Variants in IHO1 observed in about 807,000 individuals in gnomAD.
IHO1 encodes the protein interactor of HORMAD1 protein 1.
Under a neutral mutation model 31.0 loss-of-function variants are expected in IHO1, and 13 were observed. That is an observed-to-expected ratio of 0.42 (90% CI 0.27 to 0.67). The LOEUF (loss-of-function observed/expected upper bound fraction) is 0.67, where lower values mean the gene tolerates loss of function less well. IHO1 is among the 30% of genes least tolerant of loss of function. The probability of loss-of-function intolerance (pLI) is 0.24; values close to 1 mark genes in which losing one functional copy is unlikely to be tolerated. For synonymous variants in IHO1, 221 were observed against 248.4 expected (o/e 0.89, Z 1.04); for missense variants, 599 against 687.5 (o/e 0.87, Z 1.44).
chr3:49,250,079 G>T (rs1258215426), intron 6 of IHO1, among the ~76,000 whole-genome samples: 2 of 152,112 alleles, frequency 1.3e-5, no homozygotes, highest in Non-Finnish European at 2.9e-5. Flanking sequence ...AATGTTTATA[G>T]TCAAAGCAAA....
At chr3:49,222,664 G>T (rs1446991639) in intron 2 of IHO1, among the ~76,000 whole-genome samples, 1 of 152,154 alleles carries the variant, frequency 6.6e-6, no homozygotes, top group African/African-American at 2.4e-5. Flanking sequence ...AGATTATGTA[G>T]GTTTTCACTT....
chr3:49,205,596 ATT>A (rs376808702), intron 1 of IHO1, among the ~76,000 whole-genome samples: 24 of 138,476 alleles, frequency 1.7e-4, no homozygotes, highest in African/African-American at 1.6e-4. Context: ...CCTGGCCGTA[ATT>A]TTTTTTTTTT....
chr3:49,245,102 G>C (rs1204763194), intron 6 of IHO1: 2 of 475,288 alleles, frequency 4.2e-6, no homozygotes, highest in Non-Finnish European at 7.5e-6. Context: ...GCCCCCTTAG[G>C]AGTTAGAAAT....
intron 1 of IHO1, among the ~76,000 whole-genome samples, chr3:49,207,132 C>T (rs1559436970): frequency 6.6e-6 from 1 of 151,104 alleles, no homozygotes; most frequent in Non-Finnish European, 1.5e-5. Flanking sequence ...AAGCCAAGCT[C>T]ATCTGCTTTA....
intron 3 of IHO1, among the ~76,000 whole-genome samples, chr3:49,237,113 G>T (rs2107720126): frequency 6.6e-6 from 1 of 152,064 alleles, no homozygotes; most frequent in South Asian, 2.1e-4. Flanking sequence ...AATTTGGGAG[G>T]CCGAGGCAGG....
chr3:49,251,107 A>C (rs2046754556), intron 6 of IHO1, among the ~76,000 whole-genome samples: 1 of 151,470 alleles, frequency 6.6e-6, no homozygotes, highest in Non-Finnish European at 1.5e-5. Flanking sequence ...TATTTTACTT[A>C]GTTTTTGTTT....
intron 6 of IHO1, among the ~76,000 whole-genome samples, chr3:49,251,766 T>G (rs1276516676): frequency 2.0e-5 from 3 of 152,104 alleles, no homozygotes; most frequent in South Asian, 2.1e-4. Context: ...CACGCACTGC[T>G]AATTTTTGTA....
chr3:49,229,893 G>T (rs993595196), intron 2 of IHO1, among the ~76,000 whole-genome samples: 2 of 152,188 alleles, frequency 1.3e-5, no homozygotes, highest in African/African-American at 4.8e-5. Flanking sequence ...GGGAGCACAA[G>T]TTCTAATTCC....
At position 49,244,695 on chromosome 3, in the gene IHO1, A is replaced by T. The variant is rs1017950776; in HGVS notation, c.494A>T (p.Gln165Leu). 1 of 1,614,194 alleles carries T rather than the reference A, an allele frequency of 6.2e-7. No individual in the cohort carries two copies. Among genetic ancestry groups the T allele is most frequent in the Non-Finnish European group, 8.5e-7 (1 of 1,180,034 alleles). The change falls in exon 6 of 8, where the codon CAA becomes CTA. Residue 165 changes from glutamine to leucine, a missense_variant. Gln to Leu is a moderately radical substitution (Grantham distance 113). Transcript: ENST00000452691. ...GAGGACCATCTCAGTTCAAGAAGCC[A>T]ATCTATTTTGGATTCTTTGGAGACT... ...KSEDHLSSRS[Q>L]SILDSLETVA...
intron 2 of IHO1, among the ~76,000 whole-genome samples, chr3:49,225,392 G>A (rs1353653307): frequency 2.6e-5 from 4 of 152,148 alleles, no homozygotes; most frequent in Non-Finnish European, 5.9e-5. Context: ...GAACCCAGGA[G>A]GCAGAGGTTG....
At chr3:49,195,172 C>T (rs188525261), upstream of IHO1, among the ~76,000 whole-genome samples, 518 of 152,232 alleles carry the variant, frequency 3.4e-3, 2 homozygotes, top group African/African-American at 0.012. Context: ...GTAATCCCAG[C>T]ACTTTGGGAG....
chr3:49,237,115 C>T (rs907037528), intron 3 of IHO1, among the ~76,000 whole-genome samples: 7 of 151,334 alleles, frequency 4.6e-5, no homozygotes, highest in Admixed American at 1.3e-4. Context: ...TTTGGGAGGC[C>T]GAGGCAGGTG....
chr3:49,205,184 G>A (rs1170996624), intron 1 of IHO1, among the ~76,000 whole-genome samples: 1 of 152,104 alleles, frequency 6.6e-6, no homozygotes, highest in Admixed American at 6.6e-5. Flanking sequence ...CCAAGAACAG[G>A]TTTCCTCTTC....
intron 2 of IHO1, among the ~76,000 whole-genome samples, chr3:49,227,175 A>C (rs1325698731): frequency 6.6e-6 from 1 of 152,194 alleles, no homozygotes; most frequent in East Asian, 1.9e-4. Flanking sequence ...ACTCTTACAG[A>C]AAAGGTTAAG....
chr3:49,222,415 T>C (rs1295691035), intron 2 of IHO1, among the ~76,000 whole-genome samples: 3 of 151,758 alleles, frequency 2.0e-5, no homozygotes, highest in Non-Finnish European at 4.4e-5. Flanking sequence ...AAAGAGTAAA[T>C]AGGAAGGTAA....
At chr3:49,209,945 T>C (rs2046186868) in intron 1 of IHO1, among the ~76,000 whole-genome samples, 3 of 151,860 alleles carry the variant, frequency 2.0e-5, no homozygotes. Flanking sequence ...CTCGATCTCC[T>C]GACCTCGTAA....
chr3:49,204,370 G>A (rs1036255573), intron 1 of IHO1, among the ~76,000 whole-genome samples: 1 of 152,174 alleles, frequency 6.6e-6, no homozygotes, highest in Non-Finnish European at 1.5e-5. Context: ...GGACTTGAGT[G>A]TATGTGGATT....
upstream of IHO1, among the ~76,000 whole-genome samples, chr3:49,193,961 CAAA>C (rs1243651891): frequency 1.9e-5 from 2 of 104,922 alleles, no homozygotes; most frequent in Non-Finnish European, 2.0e-5. Context: ...GAATCCATCT[CAAA>C]AAAAAAAAAA....
chr3:49,241,985 C>G (rs1158037945), intron 4 of IHO1, among the ~76,000 whole-genome samples: 3 of 151,874 alleles, frequency 2.0e-5, no homozygotes, highest in Non-Finnish European at 2.9e-5. Context: ...CTCTTGTTGT[C>G]CAGACTGGAG....
Sources: gnomAD v4.1 joint callset for allele counts (sites outside exome capture counted in the v4.1 genomes callset) on GRCh38, gnomAD v4.1.1 for gene constraint, MANE v1.5 for transcripts, NCBI Gene and HGNC (gene_info 2026-07-23, HGNC 2026-07-21) for gene names.